The following RFX3 variants were observed in gnomAD, a reference collection of about 807,000 sequenced individuals.
RFX3 encodes the protein regulatory factor X3, also known as transcription factor RFX3.
A neutral mutation model predicts 98.6 loss-of-function variants in RFX3; 14 were observed. The observed-to-expected ratio is 0.14, with a 90% CI of 0.09 to 0.22. The LOEUF is 0.22. Among genes scored for constraint, RFX3 ranks in the 10% least tolerant of loss-of-function variants. The pLI is 1.00. For synonymous variants in RFX3, 383 were observed against 328.4 expected, an observed-to-expected ratio of 1.17 and a Z score of -1.80; for missense variants, 639 against 926.9, an observed-to-expected ratio of 0.69 and a Z score of 4.03.
At chr9:3,413,804 G>A (rs972082197) in intron 1 of RFX3, among the ~76,000 whole-genome samples, 1 of 152,034 alleles carries the variant, frequency 6.6e-6, no homozygotes, top group Non-Finnish European at 1.5e-5. Context: ...AACCCTTTAT[G>A]CTTTTTTGAA....
At chr9:3,292,749 T>C (rs1209786047) in intron 6 of RFX3, among the ~76,000 whole-genome samples, 3 of 151,994 alleles carry the variant, frequency 2.0e-5, no homozygotes, top group Non-Finnish European at 4.4e-5. Context: ...TTTATGTGCG[T>C]GTGTGTGTGT....
intron 2 of RFX3, among the ~76,000 whole-genome samples, chr9:3,349,652 A>G (rs187089132): frequency 6.2e-4 from 94 of 151,996 alleles, no homozygotes; most frequent in African/African-American, 2.2e-3. Flanking sequence ...CTTTTTCTCT[A>G]TATCTTTTTA....
chr9:3,483,617 T>C (rs1367199612), intron 1 of RFX3, among the ~76,000 whole-genome samples: 1 of 152,180 alleles, frequency 6.6e-6, no homozygotes, highest in Non-Finnish European at 1.5e-5. Context: ...AAGATACTTA[T>C]AAAAGCACAA....
chr9:3,264,593 T>A (rs1385135450), intron 12 of RFX3, among the ~76,000 whole-genome samples: 1 of 152,214 alleles, frequency 6.6e-6, no homozygotes, highest in Non-Finnish European at 1.5e-5. Context: ...TCAAGTCTCA[T>A]AACTATCTTA....
chr9:3,329,687 A>G (rs1174871040), intron 4 of RFX3, among the ~76,000 whole-genome samples: 1 of 152,188 alleles, frequency 6.6e-6, no homozygotes, highest in East Asian at 1.9e-4. Context: ...GGAAAAAATT[A>G]CACACGATTT....
intron 2 of RFX3, among the ~76,000 whole-genome samples, chr9:3,351,205 T>C (rs926424110): frequency 1.3e-5 from 2 of 151,704 alleles, no homozygotes; most frequent in Admixed American, 6.6e-5. Context: ...AGGGGTTTTA[T>C]GGAAATCTCT....
At chr9:3,256,407 T>C (rs1161907084) in intron 14 of RFX3, among the ~76,000 whole-genome samples, 1 of 151,906 alleles carries the variant, frequency 6.6e-6, no homozygotes, top group Non-Finnish European at 1.5e-5. Context: ...TTGATAAAAT[T>C]AAGAAGTTAA....
chr9:3,365,999 C>T (rs910335142), intron 2 of RFX3, among the ~76,000 whole-genome samples: 3 of 151,906 alleles, frequency 2.0e-5, no homozygotes, highest in South Asian at 2.1e-4. Flanking sequence ...AGTGGTGCAG[C>T]GGGCCCTGCT....
rs1389815475 is a variant in RFX3 at position 3,225,127 on chromosome 9, T to C, written c.2165A>G (p.Asn722Ser). The C allele has an allele frequency of 6.2e-7, 1 of 1,613,968 alleles. No individual in the cohort carries two copies. Among genetic ancestry groups the C allele is most frequent in the East Asian group, 2.2e-5 (1 of 44,878 alleles). The change falls in exon 17 of 17, where the codon AAT becomes AGT. Residue 722 changes from asparagine to serine, a missense_variant. Physicochemically the swap from Asn to Ser is conservative, Grantham distance 46 (BLOSUM62 1). Around this residue, in one of 9 missense-constraint regions of RFX3, gnomAD observed 129 missense variants for 124.6 expected, o/e 1.04. Coordinates refer to ENST00000617270, the MANE Select transcript of RFX3 (RefSeq NM_001282116.2). ...GACAATGTGCTCGCTGTGAATTGGATTCAGGAGGCTTGGTTGCACGCCAGT... is the reference window on the plus strand; with the variant it reads ...GACAATGTGCTCGCTGTGAATTGGACTCAGGAGGCTTGGTTGCACGCCAGT... ...LETGVQPSLLNPIHSEHIVTS... is the reference protein window; with the variant it reads ...LETGVQPSLLSPIHSEHIVTS...
At chr9:3,309,853 C>T (rs1224233129) in intron 4 of RFX3, among the ~76,000 whole-genome samples, 1 of 152,110 alleles carries the variant, frequency 6.6e-6, no homozygotes, top group African/African-American at 2.4e-5. Context: ...TGCAGAGTTG[C>T]TCTCAGGTTT....
At chr9:3,419,142 TA>T (rs1843230286) in intron 1 of RFX3, among the ~76,000 whole-genome samples, 1 of 152,162 alleles carries the variant, frequency 6.6e-6, no homozygotes, top group African/African-American at 2.4e-5. Flanking sequence ...CCATTTGGTT[TA>T]AAAAAACAAC....
intron 1 of RFX3, among the ~76,000 whole-genome samples, chr9:3,464,395 C>G (rs1409931587): frequency 6.6e-6 from 1 of 152,072 alleles, no homozygotes; most frequent in African/African-American, 2.4e-5. Flanking sequence ...AAAATTCCAT[C>G]AAATAGTTAT....
intron 3 of RFX3, 114 bp downstream of exon 3, chr9:3,346,553 G>T: frequency 1.4e-6 from 1 of 696,214 alleles, no homozygotes; most frequent in Non-Finnish European, 2.6e-6. Flanking sequence ...AACTGTTCTA[G>T]TAGAAAATTA....
At chr9:3,418,953 A>C (rs1843215307) in intron 1 of RFX3, among the ~76,000 whole-genome samples, 1 of 152,226 alleles carries the variant, frequency 6.6e-6, no homozygotes, top group East Asian at 1.9e-4. Context: ...AGATGATAGA[A>C]AAGTTACGTA....
rs1453017898 is a variant in RFX3 at position 3,504,856 on chromosome 9, TG to T, written c.-9+20890del. ...ATGTATAAAATATATATATTATATATGATATAATATATATTATATATATTAT... is the reference window on the plus strand; with the variant it reads ...ATGTATAAAATATATATATTATATATATATAATATATATTATATATATTAT... On this transcript the variant is annotated intron_variant, in intron 1 of 16. Coordinates refer to ENST00000617270, the MANE Select transcript of RFX3 (RefSeq NM_001282116.2). 6.6e-3 allele frequency among the ~76,000 whole-genome samples: 516 copies of T among 78,154 alleles called. 9 individuals carry two copies. Among genetic ancestry groups the T allele is most frequent in the Middle Eastern group, 0.014 (1 of 70 alleles). The allele number at this position is 78,154 out of a possible 152,430, so 51.3% of individuals were successfully genotyped here.
chr9:3,437,044 C>A, intron 1 of RFX3, among the ~76,000 whole-genome samples: 1 of 152,036 alleles, frequency 6.6e-6, no homozygotes, highest in Non-Finnish European at 1.5e-5. Context: ...TAGCACAATT[C>A]ATAGTATCCA....
intron 12 of RFX3, among the ~76,000 whole-genome samples, chr9:3,265,568 T>G (rs1274727240): frequency 6.6e-6 from 1 of 152,162 alleles, no homozygotes; most frequent in Non-Finnish European, 1.5e-5. Flanking sequence ...TAGTCCAATC[T>G]TGCTATGAGG....
intron 12 of RFX3, among the ~76,000 whole-genome samples, chr9:3,264,655 A>G (rs767002655): frequency 6.6e-6 from 1 of 152,206 alleles, no homozygotes; most frequent in Non-Finnish European, 1.5e-5. Context: ...CAAGGCTGCA[A>G]AGAAACTTCA....
intron 1 of RFX3, among the ~76,000 whole-genome samples, chr9:3,438,834 CAT>C (rs1845383574): frequency 6.6e-6 from 1 of 151,802 alleles, no homozygotes; most frequent in Admixed American, 6.6e-5. Context: ...ATCAAGACGA[CAT>C]AATAATTTTA....
Sources: gnomAD v4.1 joint callset for allele counts (sites outside exome capture counted in the v4.1 genomes callset) on GRCh38, gnomAD v4.1.1 for gene constraint, gnomAD v4.1.1 regional missense constraint, MANE v1.5 for transcripts, NCBI Gene and HGNC (gene_info 2026-07-23, HGNC 2026-07-21) for gene names.